PDE3A: variants seen among roughly 807,000 people sequenced by gnomAD.
The protein encoded by PDE3A is phosphodiesterase 3A.
PDE3A carries 43 observed loss-of-function variants against 98.3 expected under a neutral mutation model. The observed-to-expected ratio is 0.44, with a 90% confidence interval of 0.34 to 0.56. The LOEUF is 0.56. Ranked by LOEUF, PDE3A falls within the 20% of genes least tolerant of loss-of-function variation. PDE3A has a pLI of 0.01. For missense variants in PDE3A, 1,427 were observed against 1,440.7 expected, an observed-to-expected ratio of 0.99 and a Z score of 0.15; for synonymous variants, 663 against 567.9, an observed-to-expected ratio of 1.17 and a Z score of -2.38.
chr12:20,523,286 G>C (rs1946462666), intron 1 of PDE3A, among the ~76,000 whole-genome samples: 1 of 152,130 alleles, frequency 6.6e-6, no homozygotes, highest in Non-Finnish European at 1.5e-5. Context: ...ATACAGGTAA[G>C]TGTTCTCCCT....
Position 20,687,861 on chromosome 12 carries a change from T to A in PDE3A, c.*7590T>A. On this transcript the variant is annotated 3_prime_UTR_variant, in exon 16 of 16. Transcript: ENST00000359062. ...TGATTTGCATTTTGGTATTAAAATG[T>A]GCTCTGATTTCTGCGGGCATTTGTT... Among the ~76,000 whole-genome samples, 1 of 143,446 alleles carries A rather than the reference T, an allele frequency of 7.0e-6. No homozygotes were observed. 94.1% of individuals were successfully genotyped at this position (143,446 alleles called of 152,430 possible).
At chr12:20,370,919 A>C (rs1943461595) in intron 1 of PDE3A, among the ~76,000 whole-genome samples, 1 of 152,224 alleles carries the variant, frequency 6.6e-6, no homozygotes, top group African/African-American at 2.4e-5. Flanking sequence ...CTTGGGGAAT[A>C]ATATGTCTGA....
At chr12:20,661,192 C>A (rs113467104) in intron 15 of PDE3A, among the ~76,000 whole-genome samples, 2 of 152,220 alleles carry the variant, frequency 1.3e-5, no homozygotes, top group African/African-American at 4.8e-5. Context: ...ATTTGTGGAA[C>A]TTTGAACTTC....
intron 1 of PDE3A, among the ~76,000 whole-genome samples, chr12:20,387,372 C>T (rs1004001072): frequency 1.3e-5 from 2 of 151,948 alleles, no homozygotes; most frequent in Non-Finnish European, 2.9e-5. Flanking sequence ...GGCAGTATGG[C>T]CAGTTTCACA....
At chr12:20,504,375 G>A (rs559667469) in intron 1 of PDE3A, among the ~76,000 whole-genome samples, 120 of 151,862 alleles carry the variant, frequency 7.9e-4, no homozygotes, top group African/African-American at 2.6e-3. Context: ...AATATTTCTT[G>A]AATAAATTTT....
chr12:20,394,887 T>G (rs1017493112), intron 1 of PDE3A, among the ~76,000 whole-genome samples: 1 of 152,036 alleles, frequency 6.6e-6, no homozygotes, highest in Non-Finnish European at 1.5e-5. Context: ...CATCCTACAG[T>G]TCAGAGGACA....
intron 15 of PDE3A, among the ~76,000 whole-genome samples, chr12:20,667,674 TG>T: frequency 6.6e-6 from 1 of 152,314 alleles, no homozygotes; most frequent in East Asian, 1.9e-4. Context: ...ACTATACCCT[TG>T]AAGCATATTT....
rs975013652 is a variant in PDE3A at position 20,371,934 on chromosome 12, T to G, written c.960+1690T>G. ...TTATAGGGAAATAGGATGTTACTATTGCAAAATTCACAACCATAATTTCTA... is the reference window on the plus strand; with the variant it reads ...TTATAGGGAAATAGGATGTTACTATGGCAAAATTCACAACCATAATTTCTA... On this transcript the variant is annotated intron_variant, in intron 1 of 15. Transcript: ENST00000359062. Among the ~76,000 whole-genome samples, 6 of 152,190 alleles carry G rather than the reference T, an allele frequency of 3.9e-5. No individual in the cohort carries two copies. The South Asian group carries it at 1.0e-3, about 26-fold the overall frequency.
chr12:20,488,634 C>A (rs117770237), intron 1 of PDE3A, among the ~76,000 whole-genome samples: 14 of 152,096 alleles, frequency 9.2e-5, no homozygotes, highest in Non-Finnish European at 1.8e-4. Flanking sequence ...GGAGTTCAAG[C>A]CCGGGCTGAG....
At chr12:20,641,900 T>C (rs1263505533) in intron 10 of PDE3A, among the ~76,000 whole-genome samples, 2 of 152,102 alleles carry the variant, frequency 1.3e-5, no homozygotes, top group East Asian at 3.9e-4. Context: ...ATTTACATCT[T>C]CTCATAGGAA....
At chr12:20,593,806 T>C (rs1210539579) in intron 2 of PDE3A, among the ~76,000 whole-genome samples, 2 of 151,754 alleles carry the variant, frequency 1.3e-5, no homozygotes, top group Non-Finnish European at 2.9e-5. Flanking sequence ...CTCGAAGGAG[T>C]GGTCAGTGTT....
chr12:20,420,353 C>T (rs149593610), intron 1 of PDE3A, among the ~76,000 whole-genome samples: 581 of 152,188 alleles, frequency 3.8e-3, no homozygotes, highest in Non-Finnish European at 6.5e-3. Context: ...AGTCAAGTCT[C>T]GAGCTCATGA....
At chr12:20,538,048 G>A (rs944568963) in intron 1 of PDE3A, among the ~76,000 whole-genome samples, 1 of 152,182 alleles carries the variant, frequency 6.6e-6, no homozygotes, top group Non-Finnish European at 1.5e-5. Flanking sequence ...CAGATAGTTA[G>A]AAAGATATGC....
intron 5 of PDE3A, among the ~76,000 whole-genome samples, chr12:20,623,273 T>C (rs1944179004): frequency 7.0e-6 from 1 of 142,078 alleles, no homozygotes; most frequent in African/African-American, 2.6e-5. Context: ...ATAGTTTTAG[T>C]AGCAGATAGA....
At chr12:20,586,076 G>A (rs556877360) in intron 2 of PDE3A, among the ~76,000 whole-genome samples, 1 of 152,216 alleles carries the variant, frequency 6.6e-6, no homozygotes, top group Non-Finnish European at 1.5e-5. Flanking sequence ...AATAGCTGGA[G>A]TAAACCTTCA....
chr12:20,489,856 G>A (rs549077142), intron 1 of PDE3A, among the ~76,000 whole-genome samples: 1 of 152,230 alleles, frequency 6.6e-6, no homozygotes, highest in South Asian at 2.1e-4. Flanking sequence ...TTTCCCACAT[G>A]TTTGCTCAGG....
chr12:20,666,435 C>A, intron 15 of PDE3A, among the ~76,000 whole-genome samples: 1 of 152,190 alleles, frequency 6.6e-6, no homozygotes, highest in South Asian at 2.1e-4. Flanking sequence ...TAACCCCCAA[C>A]CATACACCCT....
intron 1 of PDE3A, among the ~76,000 whole-genome samples, chr12:20,422,227 T>C: frequency 6.6e-6 from 1 of 151,870 alleles, no homozygotes; most frequent in East Asian, 1.9e-4. Flanking sequence ...GCACCTGTAG[T>C]CCCAGCTACT....
chr12:20,476,103 A>G (rs1591971043), intron 1 of PDE3A, among the ~76,000 whole-genome samples: 1 of 152,238 alleles, frequency 6.6e-6, no homozygotes, highest in East Asian at 1.9e-4. Flanking sequence ...TGCATTTTAA[A>G]TAATTTACTC....
Sources: gnomAD v4.1 joint callset for allele counts (sites outside exome capture counted in the v4.1 genomes callset) on GRCh38, gnomAD v4.1.1 for gene constraint, MANE v1.5 for transcripts, NCBI Gene and HGNC (gene_info 2026-07-23, HGNC 2026-07-21) for gene names.